The following SLC25A44 variants were observed in gnomAD, a reference collection of about 807,000 sequenced individuals.
SLC25A44 encodes the protein solute carrier family 25 member 44.
A neutral mutation model predicts 29.9 loss-of-function variants in SLC25A44; 17 were observed. That is an observed-to-expected ratio of 0.57 (90% confidence interval 0.39 to 0.85). SLC25A44 has a LOEUF of 0.85. SLC25A44 is among the 40% of genes least tolerant of loss of function. SLC25A44 has a pLI of 0.00. For missense variants in SLC25A44, 302 were observed against 398.4 expected, an observed-to-expected ratio of 0.76 and a Z score of 2.06; for synonymous variants, 140 against 151.8, an observed-to-expected ratio of 0.92 and a Z score of 0.57.
Position 156,200,831 on chromosome 1 carries a change from A to ATTT in SLC25A44, c.625+379_625+381dup, listed in dbSNP as rs35620511. ...TTTTGACTTGGATGTTTTCCTCAGCATTTTTTTTTTTTTTTTTTTTTTGAG... is the reference window on the plus strand; with the variant it reads ...TTTTGACTTGGATGTTTTCCTCAGCATTTTTTTTTTTTTTTTTTTTTTTTTGAG... On this transcript the variant is annotated intron_variant, in intron 2 of 3. Coordinates refer to ENST00000359511, the MANE Select transcript of SLC25A44 (RefSeq NM_014655.4). Among the ~76,000 whole-genome samples the ATTT allele has an allele frequency of 3.5e-3, 347 of 99,840 alleles. 4 individuals are homozygous for ATTT. Among genetic ancestry groups the ATTT allele is most frequent in the Middle Eastern group, 5.2e-3 (1 of 192 alleles). The allele number at this position is 99,840 out of a possible 152,430, so 65.5% of individuals were successfully genotyped here.
chr1:156,207,414 C>A (rs1472412405), intron 2 of SLC25A44, among the ~76,000 whole-genome samples: 1 of 152,068 alleles, frequency 6.6e-6, no homozygotes, highest in Non-Finnish European at 1.5e-5. Context: ...CTCCTGACCT[C>A]ATGATCTGCC....
At chr1:156,195,260 C>A (rs879789626) in intron 1 of SLC25A44, among the ~76,000 whole-genome samples, 6 of 152,098 alleles carry the variant, frequency 3.9e-5, no homozygotes, top group Non-Finnish European at 8.8e-5. Flanking sequence ...CCCACCACCA[C>A]GCCCGGCTAA....
In SLC25A44 at chr1:156,212,253, C is replaced by T. The variant is rs1657380177; in HGVS notation, c.*1822C>T. The T allele has an allele frequency of 6.6e-6, 1 of 152,298 alleles. No homozygotes were observed. Among genetic ancestry groups the T allele is most frequent in the South Asian group, 2.1e-4 (1 of 4,832 alleles). The allele number at this position is 152,298 out of a possible 1,614,324, so 9.4% of individuals were successfully genotyped here. Reference sequence around the variant, plus strand: ...CTTTAAGCTCATCCTAGCAAGACCTCTAGAGACCCTAGAGACTCGACTTTA... The same window carrying T: ...CTTTAAGCTCATCCTAGCAAGACCTTTAGAGACCCTAGAGACTCGACTTTA... On this transcript the variant is annotated 3_prime_UTR_variant, in exon 4 of 4. Transcript: ENST00000359511.
intron 3 of SLC25A44, 78 bp downstream of exon 3, chr1:156,208,091 C>T: frequency 3.0e-6 from 4 of 1,320,704 alleles, no homozygotes; most frequent in Non-Finnish European, 4.3e-6. Flanking sequence ...CAGTGTTGCC[C>T]TGACCTCTTT....
In SLC25A44 at chr1:156,195,452, A is replaced by G. The variant is rs568330641; in HGVS notation, c.-14+1205A>G. On this transcript the variant is annotated intron_variant, in intron 1 of 3. Transcript: ENST00000359511. ...TGGGAGGCTCAAAGGCTCAAATGCC[A>G]TTGGTGGAATCGCTGACAGCTCATC... 2.6e-5 allele frequency among the ~76,000 whole-genome samples: 4 copies of G among 152,250 alleles called. No individual in the cohort carries two copies. In the South Asian group the frequency reaches 6.2e-4, roughly 24 times the overall value.
intron 2 of SLC25A44, among the ~76,000 whole-genome samples, chr1:156,203,257 C>T (rs745445782): frequency 8.5e-5 from 13 of 152,228 alleles, no homozygotes; most frequent in Admixed American, 2.6e-4. Flanking sequence ...GGCTCCTTCT[C>T]ATGCTTCAGG....
In SLC25A44 at chr1:156,211,056, TTGTGTGTGTGTGTGTGTGTGTGTGTGTG is replaced by T. The variant is rs58631766; in HGVS notation, c.*643_*670del. 1.4e-5 allele frequency: 2 copies of T among 138,872 alleles called. No homozygotes were observed. Among genetic ancestry groups the T allele is most frequent in the African/African-American group, 2.7e-5 (1 of 37,216 alleles). 8.6% of individuals were successfully genotyped at this position (138,872 alleles called of 1,614,324 possible). A position where few individuals can be genotyped will look rare whatever the true frequency, so the allele number is the denominator to read the frequency against. ...TGGGAGAAATGTTGATACTTTTGTT[TTGTGTGTGTGTGTGTGTGTGTGTGTGTG>T]TGTGTGTGTGTGTGTGTTTTAACAT... On this transcript the variant is annotated 3_prime_UTR_variant, in exon 4 of 4. Transcript: ENST00000359511.
At chr1:156,196,235 AG>A (rs1232363097) in intron 1 of SLC25A44, 1 of 152,250 alleles carries the variant, frequency 6.6e-6, no homozygotes, top group African/African-American at 2.4e-5. Context: ...ATATTTCCGC[AG>A]GAAGTTTGGA....
chr1:156,208,089 C>T, intron 3 of SLC25A44, 76 bp downstream of exon 3: 1 of 1,334,866 alleles, frequency 7.5e-7, no homozygotes, highest in Non-Finnish European at 1.1e-6. Context: ...TCCAGTGTTG[C>T]CCTGACCTCT....
intron 3 of SLC25A44, among the ~76,000 whole-genome samples, chr1:156,209,240 C>G (rs1158420695): frequency 1.3e-5 from 2 of 152,090 alleles, no homozygotes; most frequent in East Asian, 3.8e-4. Flanking sequence ...GGAGGAGATC[C>G]AAGGGAAAGG....
chr1:156,196,432 AT>A (rs1656218038), intron 1 of SLC25A44: 1 of 152,160 alleles, frequency 6.6e-6, no homozygotes, highest in Non-Finnish European at 1.5e-5. Flanking sequence ...TTTAAAATAG[AT>A]TGGCATATGT....
intron 1 of SLC25A44, among the ~76,000 whole-genome samples, chr1:156,195,614 A>G (rs1415530522): frequency 1.3e-5 from 2 of 152,200 alleles, no homozygotes; most frequent in African/African-American, 4.8e-5. Flanking sequence ...TGGGGGTTGC[A>G]TATCATATAC....
At chr1:156,208,911 G>A (rs1161887047) in intron 3 of SLC25A44, among the ~76,000 whole-genome samples, 1 of 152,182 alleles carries the variant, frequency 6.6e-6, no homozygotes, top group Non-Finnish European at 1.5e-5. Flanking sequence ...TATGTAATAT[G>A]CAAATAGTAG....
Position 156,199,873 on chromosome 1 carries a change from T to G in SLC25A44, c.26T>G (p.Ile9Ser). The change falls in exon 2 of 4, where the codon ATC (isoleucine) becomes AGC (serine). Residue 9 changes from isoleucine to serine, a missense_variant. By Grantham distance (142) the Ile-to-Ser change is moderately radical. Coordinates refer to ENST00000359511, the MANE Select transcript of SLC25A44 (RefSeq NM_014655.4). MEDKRNIQ[I>S]IEWEHLDKKK... is the part of the protein sequence containing the mutation. ...ATGGAGGACAAACGCAACATCCAGA[T>G]CATCGAGTGGGAACACCTGGACAAG... 6.2e-7 allele frequency: 1 copy of G among 1,614,056 alleles called. No individual in the cohort carries two copies. The highest frequency in any genetic ancestry group is 8.5e-7 in the Non-Finnish European group (1 of 1,179,942).
intron 1 of SLC25A44, chr1:156,196,233 G>T (rs550457842): frequency 2.6e-5 from 4 of 152,176 alleles, no homozygotes; most frequent in African/African-American, 7.2e-5. Context: ...TGATATTTCC[G>T]CAGGAAGTTT....
At chr1:156,207,339 A>C (rs1415046269) in intron 2 of SLC25A44, among the ~76,000 whole-genome samples, 1 of 151,994 alleles carries the variant, frequency 6.6e-6, no homozygotes, top group South Asian at 2.1e-4. Context: ...CACCATGCCC[A>C]GCTAATTTTC....
chr1:156,197,385 T>A (rs1253182718), intron 1 of SLC25A44: 4 of 152,258 alleles, frequency 2.6e-5, no homozygotes, highest in Non-Finnish European at 5.9e-5. Context: ...ATCTTGCCAA[T>A]CCAGTTGACT....
At position 156,212,215 on chromosome 1, in the gene SLC25A44, C is replaced by G. The variant is rs980317523; in HGVS notation, c.*1784C>G. On this transcript the variant is annotated 3_prime_UTR_variant, in exon 4 of 4. Transcript: ENST00000359511. ...ATATAATGGAAGCAGTTCCCCCCAC[C>G]CTCACCCCATCTCTTTAAGCTCATC... 6.6e-6 allele frequency: 1 copy of G among 152,314 alleles called. No individual in the cohort carries two copies. The highest frequency in any genetic ancestry group is 6.6e-5 in the Admixed American group (1 of 15,258). 9.4% of individuals were successfully genotyped at this position (152,314 alleles called of 1,614,324 possible). A position where few individuals can be genotyped will look rare whatever the true frequency, so the allele number is the denominator to read the frequency against.
chr1:156,197,626 A>G (rs1656296916), intron 1 of SLC25A44: 1 of 152,216 alleles, frequency 6.6e-6, no homozygotes, highest in Non-Finnish European at 1.5e-5. Context: ...GCGTGGTGGC[A>G]GGCGCCTGTA....
Sources: allele counts gnomAD v4.1 joint callset (sites outside exome capture counted in the v4.1 genomes callset), GRCh38; gene constraint gnomAD v4.1.1; transcripts MANE v1.5; gene names NCBI Gene and HGNC (gene_info 2026-07-23, HGNC 2026-07-21).